The following LAMC2 variants were observed in gnomAD, a reference collection of about 807,000 sequenced individuals.
LAMC2 encodes laminin subunit gamma-2.
A neutral mutation model predicts 140.2 loss-of-function variants in LAMC2; 97 were observed. The ratio of observed to expected loss-of-function variants is 0.69; its 90% CI spans 0.59 to 0.82. The LOEUF is 0.82. LAMC2 is among the 40% of genes least tolerant of loss of function. LAMC2 has a pLI of 0.00. For missense variants in LAMC2, 1,402 were observed against 1,476.1 expected, an observed-to-expected ratio of 0.95 and a Z score of 0.82; for synonymous variants, 513 against 540.2, an observed-to-expected ratio of 0.95 and a Z score of 0.70.
intron 7 of LAMC2, among the ~76,000 whole-genome samples, chr1:183,225,278 G>A (rs1659592619): frequency 6.6e-6 from 1 of 152,172 alleles, no homozygotes; most frequent in Non-Finnish European, 1.5e-5. Context: ...CTGGAACGTG[G>A]AGATGTTCCT....
chr1:183,190,248 T>C (rs1193196748), intron 1 of LAMC2, among the ~76,000 whole-genome samples: 1 of 152,176 alleles, frequency 6.6e-6, no homozygotes, highest in African/African-American at 2.4e-5. Flanking sequence ...TACATGTTAA[T>C]AGATTACTGT....
chr1:183,205,282 A>G, intron 1 of LAMC2, among the ~76,000 whole-genome samples: 1 of 152,234 alleles, frequency 6.6e-6, no homozygotes, highest in East Asian at 1.9e-4. Context: ...GTACGTGCAT[A>G]GTCATGTACT....
At chr1:183,245,927 T>C (rs1660232372), downstream of LAMC2, among the ~76,000 whole-genome samples, 1 of 152,202 alleles carries the variant, frequency 6.6e-6, no homozygotes, top group Admixed American at 6.5e-5. Context: ...CCCAGCACTT[T>C]GGAAGGCCGA....
intron 1 of LAMC2, among the ~76,000 whole-genome samples, chr1:183,204,326 G>C (rs556161664): frequency 6.6e-6 from 1 of 151,946 alleles, no homozygotes; most frequent in South Asian, 2.1e-4. Flanking sequence ...TGGGTATGGT[G>C]GTGCACACCT....
At chr1:183,234,334 G>A (rs776476096) in intron 14 of LAMC2, 33 bp from the exon 15 acceptor site, 2 of 1,563,328 alleles carry the variant, frequency 1.3e-6, no homozygotes, top group Non-Finnish European at 1.8e-6. Context: ...AGCCTTAACC[G>A]ATTCGCCTTA....
Position 183,226,775 on chromosome 1 carries a change from T to G in LAMC2, c.1144T>G (p.Cys382Gly). 1 of 1,614,172 alleles carries G rather than the reference T, an allele frequency of 6.2e-7. No homozygotes were observed. Among genetic ancestry groups the G allele is most frequent in the Non-Finnish European group, 8.5e-7 (1 of 1,180,026 alleles). ...AGCCCCAGCACCCTGGGTTGAACAG[T>G]GTATATGTCCTGTTGGGTACAAGGG... ...SGAPAPWVEQ[C>G]ICPVGYKGQF... Residue 382 changes from cysteine (C) to glycine (G), a missense_variant, in exon 9 of 23, where the codon TGT (cysteine) becomes GGT (glycine). Cys to Gly is a radical substitution (Grantham distance 159). Transcript: ENST00000264144.
intron 3 of LAMC2, among the ~76,000 whole-genome samples, chr1:183,216,389 A>G (rs972687869): frequency 6.6e-6 from 1 of 152,096 alleles, no homozygotes; most frequent in African/African-American, 2.4e-5. Context: ...ACCCTCTGTT[A>G]GCTCCGCCTC....
chr1:183,238,291 A>G lies in LAMC2; in HGVS notation c.2755-16A>G, dbSNP rs1298399222. 3 of 1,593,970 alleles carry G rather than the reference A, an allele frequency of 1.9e-6. No homozygotes were observed. Among genetic ancestry groups the G allele is most frequent in the Admixed American group, 1.7e-5 (1 of 59,980 alleles). On this transcript the variant is annotated splice_polypyrimidine_tract_variant and intron_variant, in intron 18 of 22. Transcript: ENST00000264144. ...AATGTACTTCCTCTAATCTTGTTCTATCTGCCTTTTTACAGAAATCAGATC... is the reference window on the plus strand; with the variant it reads ...AATGTACTTCCTCTAATCTTGTTCTGTCTGCCTTTTTACAGAAATCAGATC...
At chr1:183,235,386 A>G (rs1249313557) in intron 15 of LAMC2, among the ~76,000 whole-genome samples, 189 bp from the exon 16 acceptor site, 1 of 152,252 alleles carries the variant, frequency 6.6e-6, no homozygotes, top group African/African-American at 2.4e-5. Context: ...GGTCTATGAC[A>G]TAAGGCGAAT....
At chr1:183,237,551 C>T in intron 18 of LAMC2, 47 bp downstream of exon 18, 1 of 1,453,608 alleles carries the variant, frequency 6.9e-7, no homozygotes, top group Non-Finnish European at 9.6e-7. Context: ...TATTGAATGC[C>T]CACCATATGA....
intron 1 of LAMC2, among the ~76,000 whole-genome samples, chr1:183,203,734 G>A (rs1360571629): frequency 6.6e-6 from 1 of 152,096 alleles, no homozygotes; most frequent in Non-Finnish European, 1.5e-5. Context: ...TCAAAGTCCT[G>A]CAGGCAAGGC....
intron 11 of LAMC2, among the ~76,000 whole-genome samples, chr1:183,230,437 C>G (rs1032507094): frequency 1.2e-4 from 18 of 152,214 alleles, no homozygotes; most frequent in African/African-American, 4.3e-4. Context: ...CAGAACCTGG[C>G]TTAATCAATT....
At chr1:183,199,304 A>G (rs1363384754) in intron 1 of LAMC2, among the ~76,000 whole-genome samples, 1 of 151,594 alleles carries the variant, frequency 6.6e-6, no homozygotes, top group East Asian at 1.9e-4. Context: ...GGGTTTCACT[A>G]TGTTGGCCAG....
rs751946818 is a variant in LAMC2 at position 183,232,781 on chromosome 1, G to A, written c.2144G>A (p.Arg715Gln). ...GCTCTGGGAAGTCAGTACCAGAACC[G>A]AGTTCGGGATACTCACAGGCTCATC... is the stretch of plus-strand genomic sequence containing the variant. ...VRALGSQYQN[R>Q]VRDTHRLITQ... The change falls in exon 14 of 23, where the codon CGA becomes CAA. Residue 715 changes from arginine (R) to glutamine (Q), a missense_variant. Physicochemically the swap from Arg to Gln is conservative, Grantham distance 43 (BLOSUM62 1). Transcript: ENST00000264144. 9.3e-6 allele frequency: 15 copies of A among 1,613,992 alleles called. No individual in the cohort carries two copies. In the East Asian group the frequency reaches 1.3e-4, roughly 14 times the overall value.
rs684527 is a variant in LAMC2 at position 183,186,347 on chromosome 1, C to A, written c.-6C>A. 0.29 allele frequency: 468,497 copies of A among 1,592,980 alleles called. 71,712 individuals are homozygous for A. The highest frequency in any genetic ancestry group is 0.39 in the East Asian group (17,475 of 44,468). On this transcript the variant is annotated 5_prime_UTR_variant, in exon 1 of 23. Coordinates refer to ENST00000264144, the MANE Select transcript of LAMC2 (RefSeq NM_005562.3). ...GGAGACAGAGACTGAGCGGCCCGGC[C>A]CCGCCATGCCTGCGCTCTGGCTGGG...
In LAMC2 at chr1:183,186,398, CT is replaced by C. The variant is rs1463613691; in HGVS notation, c.47del (p.Leu16ArgfsTer93). ...CTGCTGCCTCTGCTTCTCGCTCCTC[CT>C]GCCCGCAGCCCGGGCCACCTCCAGG... Reference protein sequence around the residue: ...LGCCLCFSLLLPAARATSRRE... With the variant: ...LGCCLCFSLLXPAARATSRRE... On this transcript the variant is annotated frameshift_variant, in exon 1 of 23. Coordinates refer to ENST00000264144, the MANE Select transcript of LAMC2 (RefSeq NM_005562.3). LOFTEE classifies it high-confidence loss of function. 1.2e-6 allele frequency: 2 copies of C among 1,605,828 alleles called. No homozygotes were observed. Among genetic ancestry groups the C allele is most frequent in the African/African-American group, 2.7e-5 (2 of 74,914 alleles).
intron 1 of LAMC2, among the ~76,000 whole-genome samples, chr1:183,199,105 T>C (rs894876482): frequency 8.1e-5 from 11 of 135,264 alleles, no homozygotes; most frequent in East Asian, 6.4e-4. Flanking sequence ...TTCTTTTTTT[T>C]TTTTTTTTTT....
At position 183,223,255 on chromosome 1, in the gene LAMC2, G is replaced by A. The variant is rs141901570; in HGVS notation, c.884G>A (p.Arg295Gln). Residue 295 changes from arginine to glutamine, a missense_variant, in exon 7 of 23, where the codon CGG becomes CAG. By Grantham distance (43) the Arg-to-Gln change is conservative. This residue lies in a region of LAMC2 where 723 missense variants were observed against 783.3 expected (regional missense o/e 0.92). Coordinates refer to ENST00000264144, the MANE Select transcript of LAMC2 (RefSeq NM_005562.3). ...HDVILEGAGL[R>Q]ITAPLMPLGK... Reference sequence around the variant, plus strand: ...GTGATTCTGGAAGGTGCTGGTCTACGGATCACAGCTCCCTTGATGCCACTT... The same window carrying A: ...GTGATTCTGGAAGGTGCTGGTCTACAGATCACAGCTCCCTTGATGCCACTT... 2.0e-3 allele frequency: 3,250 copies of A among 1,614,192 alleles called. 4 individuals are homozygous for A. The highest frequency in any genetic ancestry group is 2.4e-3 in the Non-Finnish European group (2,784 of 1,180,044).
chr1:183,195,894 G>A (rs2102172923), intron 1 of LAMC2, among the ~76,000 whole-genome samples: 1 of 152,228 alleles, frequency 6.6e-6, no homozygotes, highest in Admixed American at 6.5e-5. Flanking sequence ...TTCCATGTAG[G>A]AGGTTTTAAA....
Sources: gnomAD v4.1 joint callset for allele counts (sites outside exome capture counted in the v4.1 genomes callset) on GRCh38, gnomAD v4.1.1 for gene constraint, gnomAD v4.1.1 regional missense constraint, MANE v1.5 for transcripts, NCBI Gene and HGNC (gene_info 2026-07-23, HGNC 2026-07-21) for gene names.